The following SLC5A4 variants were observed in gnomAD, a reference collection of about 807,000 sequenced individuals.
SLC5A4 encodes solute carrier family 5 member 4.
Under a neutral mutation model 70.3 loss-of-function variants are expected in SLC5A4, and 55 were observed. The ratio of observed to expected loss-of-function variants is 0.78; its 90% CI spans 0.63 to 0.98. The LOEUF is 0.98. Among genes scored for constraint, SLC5A4 ranks in the 50% least tolerant of loss-of-function variants. The pLI is 0.00. For synonymous variants in SLC5A4, 268 were observed against 305.7 expected, an observed-to-expected ratio of 0.88 and a Z score of 1.29; for missense variants, 735 against 839.2, an observed-to-expected ratio of 0.88 and a Z score of 1.53.
chr22:32,335,683 T>C, the SLC5A4 span, among the ~76,000 whole-genome samples: 10 of 152,248 alleles, frequency 6.6e-5, no homozygotes, highest in Admixed American at 4.6e-4. Context: ...CCAGAGCCCA[T>C]TGTTCCTGCC....
intron 5 of SLC5A4, among the ~76,000 whole-genome samples, chr22:32,242,745 A>T (rs1002150933): frequency 6.6e-6 from 1 of 152,176 alleles, no homozygotes; most frequent in Admixed American, 6.5e-5. Flanking sequence ...ATATAATAAT[A>T]TTGGTAAACC....
the SLC5A4 span, among the ~76,000 whole-genome samples, chr22:32,280,485 T>A: frequency 6.6e-6 from 1 of 152,100 alleles, no homozygotes; most frequent in Non-Finnish European, 1.5e-5. Context: ...CTGCTCAATG[T>A]CAACTAATGC....
chr22:32,294,293 A>G, the SLC5A4 span, among the ~76,000 whole-genome samples: 6 of 152,218 alleles, frequency 3.9e-5, no homozygotes, highest in Non-Finnish European at 8.8e-5. Context: ...ACATATCTTC[A>G]GGTTGATTAA....
chr22:32,251,749 A>G, intron 3 of SLC5A4, 21 bp downstream of exon 3: 1 of 1,439,196 alleles, frequency 6.9e-7, no homozygotes, highest in Non-Finnish European at 9.8e-7. Flanking sequence ...TTTGAAGGAA[A>G]AAGCCTATGA....
the SLC5A4 span, among the ~76,000 whole-genome samples, chr22:32,354,207 C>A: frequency 6.9e-6 from 1 of 145,176 alleles, no homozygotes; most frequent in Middle Eastern, 3.3e-3. Context: ...CCCCTCTACA[C>A]GGGCAGTCTG....
At chr22:32,288,529 TTC>T in the SLC5A4 span, among the ~76,000 whole-genome samples, 2 of 152,142 alleles carry the variant, frequency 1.3e-5, no homozygotes, top group Non-Finnish European at 2.9e-5. Flanking sequence ...ACATATTGCT[TTC>T]TCTGTCTCTT....
chr22:32,314,391 C>G, the SLC5A4 span, among the ~76,000 whole-genome samples: 1 of 152,188 alleles, frequency 6.6e-6, no homozygotes, highest in African/African-American at 2.4e-5. Flanking sequence ...AGGACAGTAA[C>G]TGGCATACTG....
In SLC5A4 at chr22:32,251,967, C is replaced by T. The variant is rs1035068112; in HGVS notation, c.208-93G>A. The T allele has an allele frequency of 5.9e-5, 52 of 874,104 alleles. 1 individual carries two copies. In the Admixed American group the frequency reaches 6.2e-4, roughly 10 times the overall value. The allele number at this position is 874,104 out of a possible 1,614,324, so 54.1% of individuals were successfully genotyped here. ...AGATGTAGCTGGGCGTGGTGGCTCA[C>T]GCCTGTAATCCCAGCACTTTGGGAG... On this transcript the variant is annotated intron_variant, in intron 2 of 14. Coordinates refer to ENST00000266086, the MANE Select transcript of SLC5A4 (RefSeq NM_014227.3).
chr22:32,336,405 C>T, the SLC5A4 span, among the ~76,000 whole-genome samples: 29 of 152,348 alleles, frequency 1.9e-4, no homozygotes, highest in African/African-American at 6.7e-4. Flanking sequence ...GTAGTTGCTG[C>T]GTTAAGGCAT....
chr22:32,321,373 A>T, the SLC5A4 span, among the ~76,000 whole-genome samples: 5 of 152,270 alleles, frequency 3.3e-5, no homozygotes, highest in Non-Finnish European at 7.4e-5. Flanking sequence ...AATCACTCGA[A>T]TCCAGGGGGT....
At chr22:32,260,107 G>A (rs1927687999), upstream of SLC5A4, among the ~76,000 whole-genome samples, 2 of 152,196 alleles carry the variant, frequency 1.3e-5, no homozygotes, top group African/African-American at 2.4e-5. Flanking sequence ...TCTCAGAAGG[G>A]GATGAGGGTG....
chr22:32,345,467 T>G, the SLC5A4 span, among the ~76,000 whole-genome samples: 4 of 152,298 alleles, frequency 2.6e-5, no homozygotes, highest in South Asian at 4.1e-4. Context: ...AGTTTGCAAG[T>G]TTTTTTCTTT....
At chr22:32,293,864 G>C in the SLC5A4 span, among the ~76,000 whole-genome samples, 2 of 152,004 alleles carry the variant, frequency 1.3e-5, no homozygotes, top group Non-Finnish European at 2.9e-5. Context: ...CTTCACTCTT[G>C]AAAGATATTT....
the SLC5A4 span, among the ~76,000 whole-genome samples, chr22:32,278,831 T>TA: frequency 1.3e-5 from 2 of 151,970 alleles, no homozygotes; most frequent in Admixed American, 6.6e-5. Flanking sequence ...ATGAAATGGA[T>TA]AAAAAAAGAA....
At chr22:32,242,066 T>C (rs5994510) in intron 5 of SLC5A4, among the ~76,000 whole-genome samples, 5,904 of 152,182 alleles carry the variant, frequency 0.039, 158 homozygotes, top group African/African-American at 0.075. Flanking sequence ...AGAAAGTATA[T>C]GTATGTGTGT....
rs538968851 is a variant in SLC5A4 at position 32,228,570 on chromosome 22, G to A, written c.1280+624C>T. ...AAAAAAAAAATGCTATGACAATATA[G>A]GGTCTTCTCGAAAATTGTGAAGGTG... On this transcript the variant is annotated intron_variant, in intron 11 of 14. Transcript: ENST00000266086. Among the ~76,000 whole-genome samples the A allele has an allele frequency of 2.6e-5, 4 of 151,844 alleles. No homozygotes were observed. In the East Asian group the frequency reaches 7.7e-4, roughly 29 times the overall value.
chr22:32,304,389 C>T, the SLC5A4 span, among the ~76,000 whole-genome samples: 1 of 152,190 alleles, frequency 6.6e-6, no homozygotes, highest in Non-Finnish European at 1.5e-5. Flanking sequence ...GATCCACCCG[C>T]CTCAGCCTCT....
the SLC5A4 span, among the ~76,000 whole-genome samples, chr22:32,335,817 A>AC: frequency 1 from 152,225 of 152,238 alleles, 76,106 homozygotes; most frequent in Middle Eastern, 1. Context: ...CTCCCCCAGC[A>AC]CCTCTGGGAC....
the SLC5A4 span, among the ~76,000 whole-genome samples, chr22:32,347,186 A>AT: frequency 1.3e-5 from 2 of 152,222 alleles, no homozygotes; most frequent in East Asian, 3.8e-4. Context: ...AATGGCGATC[A>AT]TTAAAAAGTC....
Sources: allele counts gnomAD v4.1 joint callset (sites outside exome capture counted in the v4.1 genomes callset), GRCh38; gene constraint gnomAD v4.1.1; transcripts MANE v1.5; gene names NCBI Gene and HGNC (gene_info 2026-07-23, HGNC 2026-07-21).